Variants in SSU72 observed in about 807,000 individuals in gnomAD.
SSU72 encodes the protein SSU72 homolog, RNA polymerase II CTD phosphatase.
SSU72 carries 12 observed loss-of-function variants against 22.7 expected under a neutral mutation model. That is an observed-to-expected ratio of 0.53 (90% CI 0.34 to 0.86). The LOEUF is 0.86. Among genes scored for constraint, SSU72 ranks in the 40% least tolerant of loss-of-function variants. The pLI is 0.02. For missense variants in SSU72, 151 were observed against 249.8 expected, an observed-to-expected ratio of 0.60 and a Z score of 2.67; for synonymous variants, 116 against 98.3, an observed-to-expected ratio of 1.18 and a Z score of -1.06.
At chr1:1,559,288 C>T (rs1039214102) in intron 2 of SSU72, among the ~76,000 whole-genome samples, 3 of 152,154 alleles carry the variant, frequency 2.0e-5, no homozygotes, top group Non-Finnish European at 2.9e-5. Flanking sequence ...ACCTGTAGCA[C>T]GGGAAGCTGC....
At chr1:1,573,074 A>T (rs938810940) in intron 1 of SSU72, among the ~76,000 whole-genome samples, 22 of 148,956 alleles carry the variant, frequency 1.5e-4, no homozygotes, top group African/African-American at 5.5e-4. Flanking sequence ...AGATCACCTG[A>T]GGTCAGGAGT....
At chr1:1,543,316 C>T (rs904355127) in intron 4 of SSU72, among the ~76,000 whole-genome samples, 6 of 152,222 alleles carry the variant, frequency 3.9e-5, no homozygotes, top group African/African-American at 7.2e-5. Flanking sequence ...CACCGCATCC[C>T]GGAGAGCTGC....
intron 2 of SSU72, among the ~76,000 whole-genome samples, chr1:1,555,305 G>C (rs1340463229): frequency 6.6e-6 from 1 of 152,262 alleles, no homozygotes; most frequent in Non-Finnish European, 1.5e-5. Context: ...GCGGGGATGA[G>C]ACAGCCTCGG....
At chr1:1,545,031 G>T in intron 2 of SSU72, 29 bp from the exon 3 acceptor site, 1 of 1,606,988 alleles carries the variant, frequency 6.2e-7, no homozygotes, top group Non-Finnish European at 8.5e-7. Flanking sequence ...GAACGTCAGA[G>T]AAAAGGCATC....
chr1:1,557,548 C>T (rs1415906411), intron 2 of SSU72, among the ~76,000 whole-genome samples: 2 of 152,154 alleles, frequency 1.3e-5, no homozygotes, highest in Non-Finnish European at 2.9e-5. Flanking sequence ...AATCTCAAAA[C>T]TTTGGAAGGC....
chr1:1,556,985 T>C (rs1000715530), intron 2 of SSU72, among the ~76,000 whole-genome samples: 22 of 152,198 alleles, frequency 1.4e-4, no homozygotes, highest in African/African-American at 4.6e-4. Flanking sequence ...ACCTGAAATA[T>C]CTTAAGGCCG....
At chr1:1,560,879 T>G (rs1478740942) in intron 2 of SSU72, 1 of 152,178 alleles carries the variant, frequency 6.6e-6, no homozygotes, top group Non-Finnish European at 1.5e-5. Flanking sequence ...TGGCCAAAAT[T>G]TATTGAAGGC....
chr1:1,574,713 C>G lies in SSU72; in HGVS notation c.-156G>C. 1 of 619,504 alleles carries G rather than the reference C, an allele frequency of 1.6e-6. No individual in the cohort carries two copies. Among genetic ancestry groups the G allele is most frequent in the Non-Finnish European group, 2.4e-6 (1 of 414,036 alleles). 38.4% of individuals were successfully genotyped at this position (619,504 alleles called of 1,614,324 possible). On this transcript the variant is annotated 5_prime_UTR_variant, in exon 1 of 5. Coordinates refer to ENST00000291386, the MANE Select transcript of SSU72 (RefSeq NM_014188.3). ...GTGCGGCGACTGCGCGGCGGCCTCCCCGCCCACCCTGGGCGCCGGGCCGCG... is the reference window on the plus strand; with the variant it reads ...GTGCGGCGACTGCGCGGCGGCCTCCGCGCCCACCCTGGGCGCCGGGCCGCG...
intron 1 of SSU72, among the ~76,000 whole-genome samples, chr1:1,571,961 A>C (rs1396285844): frequency 6.6e-6 from 1 of 150,896 alleles, no homozygotes; most frequent in Non-Finnish European, 1.5e-5. Context: ...TGCCGGGGTC[A>C]TTTTTTTGTA....
intron 2 of SSU72, among the ~76,000 whole-genome samples, chr1:1,556,736 T>C (rs926431257): frequency 5.9e-5 from 9 of 152,284 alleles, no homozygotes; most frequent in Admixed American, 4.6e-4. Flanking sequence ...CACCATGGCC[T>C]TGCGACTGCA....
rs1199769243 is a variant in SSU72, at chr1:1,544,978, A to G, written c.249T>C (p.His83=). ...KELYTQNGIL[H]MLDRNKRIKP... Reference sequence around the variant, plus strand: ...TGATTCTCTTATTTCTGTCCAGCATATGTAAAATCCCATTCTGTGTATAGC... The same window carrying G: ...TGATTCTCTTATTTCTGTCCAGCATGTGTAAAATCCCATTCTGTGTATAGC... Residue 83 remains histidine (H), a synonymous_variant, in exon 3 of 5, where the codon CAT becomes CAC. Coordinates refer to ENST00000291386, the MANE Select transcript of SSU72 (RefSeq NM_014188.3). 3 of 1,614,010 alleles carry G rather than the reference A, an allele frequency of 1.9e-6. No individual in the cohort carries two copies. The African/African-American group carries it at 4.0e-5, about 22-fold the overall frequency.
In SSU72 at chr1:1,574,700, C is replaced by G. The variant is rs1642789968; in HGVS notation, c.-143G>C. On this transcript the variant is annotated 5_prime_UTR_variant, in exon 1 of 5. Coordinates refer to ENST00000291386, the MANE Select transcript of SSU72 (RefSeq NM_014188.3). ...CCGGCGGTGTAGCGTGCGGCGACTG[C>G]GCGGCGGCCTCCCCGCCCACCCTGG... The G allele has an allele frequency of 4.0e-6, 3 of 747,406 alleles. No individual in the cohort carries two copies. Among genetic ancestry groups the G allele is most frequent in the South Asian group, 3.1e-5 (1 of 32,594 alleles). The allele number at this position is 747,406 out of a possible 1,614,324, so 46.3% of individuals were successfully genotyped here.
At chr1:1,545,275 C>G (rs1264920359) in intron 2 of SSU72, 3 of 447,646 alleles carry the variant, frequency 6.7e-6, no homozygotes, top group African/African-American at 5.9e-5. Flanking sequence ...CACCCCCCGC[C>G]CCCGCCCAGC....
intron 1 of SSU72, among the ~76,000 whole-genome samples, chr1:1,570,713 A>C (rs1642717974): frequency 6.6e-6 from 1 of 152,264 alleles, no homozygotes; most frequent in Admixed American, 6.5e-5. Context: ...GGAGCAGACA[A>C]CAGAACAAGA....
At chr1:1,543,616 G>A (rs1398416362) in intron 4 of SSU72, among the ~76,000 whole-genome samples, 1 of 152,014 alleles carries the variant, frequency 6.6e-6, no homozygotes. Context: ...TCACGGCCTC[G>A]GCCACTCCCC....
chr1:1,572,493 G>C (rs1413256607), intron 1 of SSU72, among the ~76,000 whole-genome samples: 31 of 150,890 alleles, frequency 2.1e-4, no homozygotes. Flanking sequence ...GTCTTGCTCT[G>C]TCGCCCAGGC....
chr1:1,556,929 CCT>C (rs1221742938), intron 2 of SSU72, among the ~76,000 whole-genome samples: 5 of 152,236 alleles, frequency 3.3e-5, no homozygotes, highest in Admixed American at 6.5e-5. Context: ...CTCCGTTCTA[CCT>C]CTGTCATCTC....
rs1642498082 is a variant in SSU72, at chr1:1,554,639, A to C, written c.225-9637T>G. ...AGAACCGAGAGGCCAGGACCACACT[A>C]CCCTGCTATGAGTCACCAGGGACTT... On this transcript the variant is annotated intron_variant, in intron 2 of 4. Transcript: ENST00000291386. The surrounding 1 kb of genome is among the most constrained non-coding windows in gnomAD (Gnocchi z 4.1). 1.3e-5 allele frequency among the ~76,000 whole-genome samples: 2 copies of C among 151,824 alleles called. No homozygotes were observed. The highest frequency in any genetic ancestry group is 1.3e-4 in the Admixed American group (2 of 15,242).
Position 1,541,759 on chromosome 1 carries a change from A to AG in SSU72, c.*306dup. 1 of 384,466 alleles carries AG rather than the reference A, an allele frequency of 2.6e-6. No individual in the cohort carries two copies. The highest frequency in any genetic ancestry group is 2.2e-5 in the South Asian group (1 of 44,888). The allele number at this position is 384,466 out of a possible 1,614,324, so 23.8% of individuals were successfully genotyped here. A position where few individuals can be genotyped will look rare whatever the true frequency, so the allele number is the denominator to read the frequency against. On this transcript the variant is annotated 3_prime_UTR_variant, in exon 5 of 5. Transcript: ENST00000291386. Reference sequence around the variant, plus strand: ...TGTACAGTCCGGCCCGGTGGGGAGGAGGGAGGGAAGGCAGGCACACGAAGA... The same window carrying AG: ...TGTACAGTCCGGCCCGGTGGGGAGGAGGGGAGGGAAGGCAGGCACACGAAGA...
Sources: allele counts gnomAD v4.1 joint callset (sites outside exome capture counted in the v4.1 genomes callset), GRCh38; gene constraint gnomAD v4.1.1; non-coding constraint Gnocchi (gnomAD v3.1); transcripts MANE v1.5; gene names NCBI Gene and HGNC (gene_info 2026-07-23, HGNC 2026-07-21).